UHMK1: variants seen among roughly 807,000 people sequenced by gnomAD.
UHMK1 encodes serine/threonine-protein kinase Kist.
UHMK1 carries 18 observed loss-of-function variants against 44.0 expected under a neutral mutation model. The ratio of observed to expected loss-of-function variants is 0.41; its 90% CI spans 0.28 to 0.61. The LOEUF (loss-of-function observed/expected upper bound fraction) is 0.61, where lower values mean the gene tolerates loss of function less well. Among genes scored for constraint, UHMK1 ranks in the 20% least tolerant of loss-of-function variants. UHMK1 has a pLI of 0.31. For missense variants in UHMK1, 463 were observed against 522.5 expected (o/e 0.89, Z 1.11); for synonymous variants, 231 against 198.5 (o/e 1.16, Z -1.38).
rs138722740 is a variant in UHMK1 at position 162,521,929 on chromosome 1, A to G, written c.1114-475A>G. Among the ~76,000 whole-genome samples the G allele has an allele frequency of 4.4e-3, 674 of 152,246 alleles. 4 individuals carry two copies. The highest frequency in any genetic ancestry group is 6.6e-3 in the Non-Finnish European group (448 of 67,994). On this transcript the variant is annotated intron_variant, in intron 7 of 7. Coordinates refer to ENST00000489294, the MANE Select transcript of UHMK1 (RefSeq NM_175866.5). ...GGAGTGAGCCCCTGCACCCAGCCAA[A>G]TTGTACTTCCTAATAGGTGCAATTT...
chr1:162,503,900 G>C (rs1446821903), intron 4 of UHMK1, 52 bp downstream of exon 4: 2 of 1,378,894 alleles, frequency 1.5e-6, no homozygotes, highest in East Asian at 2.3e-5. Context: ...TATGTGAAAT[G>C]GTACGTCTTT....
chr1:162,500,289 A>T, intron 2 of UHMK1, 42 bp downstream of exon 2: 1 of 1,578,688 alleles, frequency 6.3e-7, no homozygotes, highest in South Asian at 1.2e-5. Context: ...TTTAAAATGT[A>T]GTGGTTGAAG....
intron 2 of UHMK1, chr1:162,500,456 T>A: frequency 1.7e-6 from 1 of 580,596 alleles, no homozygotes; most frequent in Non-Finnish European, 2.9e-6. Flanking sequence ...GAGGAGCCAG[T>A]GAAGCATGAG....
rs763436232 is a variant in UHMK1, at chr1:162,512,494, T to C, written c.849-6T>C. On this transcript the variant is annotated splice_region_variant and splice_polypyrimidine_tract_variant and intron_variant, in intron 4 of 7. Transcript: ENST00000489294. Reference sequence around the variant, plus strand: ...AAATGATAAGGCACCTATTTTTGTGTTTTAGCATGCTTCATGATGATCCAA... The same window carrying C: ...AAATGATAAGGCACCTATTTTTGTGCTTTAGCATGCTTCATGATGATCCAA... 5 of 1,601,496 alleles carry C rather than the reference T, an allele frequency of 3.1e-6. No individual in the cohort carries two copies. The highest frequency in any genetic ancestry group is 4.2e-6 in the Non-Finnish European group (5 of 1,176,764).
At chr1:162,512,874 G>A (rs1651715258) in intron 6 of UHMK1, 51 bp downstream of exon 6, 1 of 1,492,674 alleles carries the variant, frequency 6.7e-7, no homozygotes, top group Non-Finnish European at 9.3e-7. Flanking sequence ...AATAAGTCTA[G>A]AATAAACATA....
chr1:162,509,906 A>G (rs1651609052), intron 4 of UHMK1, among the ~76,000 whole-genome samples: 1 of 152,062 alleles, frequency 6.6e-6, no homozygotes, highest in African/African-American at 2.4e-5. Context: ...CTGCCTCCCA[A>G]ATTGCTGGGA....
intron 7 of UHMK1, among the ~76,000 whole-genome samples, chr1:162,521,689 C>T (rs550472139): frequency 1.3e-5 from 2 of 152,312 alleles, no homozygotes; most frequent in East Asian, 1.9e-4. Context: ...AGTACAGTGG[C>T]GCAATCTCAG....
At position 162,526,470 on chromosome 1, in the gene UHMK1, G is replaced by C. The variant is rs1652257227; in HGVS notation, c.*3920G>C. ...TACATTGGAATCACATCATGACTTTGAGTCTGATGGCTGTGTAGATAAAGA... is the reference window on the plus strand; with the variant it reads ...TACATTGGAATCACATCATGACTTTCAGTCTGATGGCTGTGTAGATAAAGA... On this transcript the variant is annotated 3_prime_UTR_variant, in exon 8 of 8. Coordinates refer to ENST00000489294, the MANE Select transcript of UHMK1 (RefSeq NM_175866.5). 6.6e-6 allele frequency: 1 copy of C among 152,030 alleles called. No individual in the cohort carries two copies. The highest frequency in any genetic ancestry group is 1.5e-5 in the Non-Finnish European group (1 of 67,980). 9.4% of individuals were successfully genotyped at this position (152,030 alleles called of 1,614,324 possible). A position where few individuals can be genotyped will look rare whatever the true frequency, so the allele number is the denominator to read the frequency against.
intron 6 of UHMK1, among the ~76,000 whole-genome samples, chr1:162,515,914 G>C (rs1172995284): frequency 6.6e-6 from 1 of 151,964 alleles, no homozygotes; most frequent in African/African-American, 2.4e-5. Flanking sequence ...GGCGCCTGTA[G>C]TCCCAGCTAC....
At chr1:162,504,755 T>C (rs1291212735) in intron 4 of UHMK1, among the ~76,000 whole-genome samples, 4 of 152,142 alleles carry the variant, frequency 2.6e-5, no homozygotes, top group Non-Finnish European at 5.9e-5. Context: ...ATACTTTGCC[T>C]ACACTAAATT....
chr1:162,512,985 T>C, intron 6 of UHMK1, 162 bp downstream of exon 6: 1 of 712,768 alleles, frequency 1.4e-6, no homozygotes, highest in Non-Finnish European at 2.2e-6. Flanking sequence ...GGAGTTTCAC[T>C]CTTGTTGCCC....
At position 162,497,986 on chromosome 1, in the gene UHMK1, C is replaced by T. The variant is rs112711298; in HGVS notation, c.-15C>T. 6.0e-3 allele frequency: 9,269 copies of T among 1,556,786 alleles called. 47 individuals carry two copies. The highest frequency in any genetic ancestry group is 0.016 in the South Asian group (1,340 of 83,654). On this transcript the variant is annotated 5_prime_UTR_variant, in exon 1 of 8. Coordinates refer to ENST00000489294, the MANE Select transcript of UHMK1 (RefSeq NM_175866.5). ...GTCGCGTCAGCTCCCGTGTCCGTGC[C>T]CTTAACCCACACCGATGGCGGGATC...
chr1:162,499,680 C>T (rs1651196977), intron 1 of UHMK1, among the ~76,000 whole-genome samples: 2 of 152,128 alleles, frequency 1.3e-5, no homozygotes, highest in Non-Finnish European at 2.9e-5. Flanking sequence ...TCGTGTTCAT[C>T]ACCAATGAGT....
intron 6 of UHMK1, among the ~76,000 whole-genome samples, chr1:162,517,589 G>C (rs1364090535): frequency 1.3e-5 from 2 of 151,806 alleles, no homozygotes; most frequent in African/African-American, 2.4e-5. Context: ...AATAATGGCA[G>C]AATACAGAAG....
rs143214032 is a variant in UHMK1 at position 162,520,155 on chromosome 1, A to T, written c.1113+1965A>T. Among the ~76,000 whole-genome samples, 7 of 152,320 alleles carry T rather than the reference A, an allele frequency of 4.6e-5. No individual in the cohort carries two copies. In the East Asian group the frequency reaches 1.3e-3, roughly 29 times the overall value. Reference sequence around the variant, plus strand: ...AGATCCAACCCGATTCAGTCTCCCTAAGTGCTGGGATTAAAGGCGTGAGCC... The same window carrying T: ...AGATCCAACCCGATTCAGTCTCCCTTAGTGCTGGGATTAAAGGCGTGAGCC... On this transcript the variant is annotated intron_variant, in intron 7 of 7. Coordinates refer to ENST00000489294, the MANE Select transcript of UHMK1 (RefSeq NM_175866.5).
At chr1:162,509,566 C>G (rs1224699204) in intron 4 of UHMK1, among the ~76,000 whole-genome samples, 1 of 152,162 alleles carries the variant, frequency 6.6e-6, no homozygotes, top group Non-Finnish European at 1.5e-5. Context: ...TTGTAGCTTT[C>G]CTCTGCCTTC....
rs867369812 is a variant in UHMK1 at position 162,498,902 on chromosome 1, C to G, written c.268+634C>G. On this transcript the variant is annotated intron_variant, in intron 1 of 7. Coordinates refer to ENST00000489294, the MANE Select transcript of UHMK1 (RefSeq NM_175866.5). ...ACAGAAAGCTTATCATTAGTTATAG[C>G]TTTGGTTATTAAAGAAAAGTCTTAT... is the stretch of plus-strand genomic sequence containing the variant. Among the ~76,000 whole-genome samples, 4 of 152,262 alleles carry G rather than the reference C, an allele frequency of 2.6e-5. No homozygotes were observed. In the Middle Eastern group the frequency reaches 0.014, roughly 518 times the overall value.
intron 1 of UHMK1, among the ~76,000 whole-genome samples, chr1:162,499,038 G>C (rs548497060): frequency 6.6e-6 from 1 of 152,228 alleles, no homozygotes. Flanking sequence ...TAAATGGTCT[G>C]TTACTATAAC....
chr1:162,497,662 G>A, upstream of UHMK1: 1 of 686,964 alleles, frequency 1.5e-6, no homozygotes, highest in Non-Finnish European at 2.0e-6. Flanking sequence ...GGTTAACACT[G>A]GGCCTGGAAT....
Sources: allele counts gnomAD v4.1 joint callset (sites outside exome capture counted in the v4.1 genomes callset), GRCh38; gene constraint gnomAD v4.1.1; transcripts MANE v1.5; gene names NCBI Gene and HGNC (gene_info 2026-07-23, HGNC 2026-07-21).